The following OPA1 variants were observed in gnomAD, a reference collection of about 807,000 sequenced individuals.
OPA1 encodes the protein OPA1 mitochondrial dynamin like GTPase.
In OPA1, 59 loss-of-function variants were observed where a neutral mutation model predicts 152.9. The observed-to-expected ratio is 0.39, with a 90% confidence interval of 0.31 to 0.48. The LOEUF (loss-of-function observed/expected upper bound fraction) is 0.48, where lower values mean the gene tolerates loss of function less well. Ranked by LOEUF, OPA1 falls within the 20% of genes least tolerant of loss-of-function variation. OPA1 has a pLI of 0.96. For missense variants in OPA1, 1,008 were observed against 1,216.8 expected, an observed-to-expected ratio of 0.83 and a Z score of 2.55; for synonymous variants, 400 against 389.9, an observed-to-expected ratio of 1.03 and a Z score of -0.31.
intron 18 of OPA1, 23 bp from the exon 19 acceptor site, chr3:193,647,042 C>T (rs372119395): frequency 2.0e-6 from 3 of 1,477,878 alleles, no homozygotes; most frequent in Non-Finnish European, 2.8e-6. Context: ...TATACTTTAG[C>T]TCTTGTTATT....
intron 11 of OPA1, among the ~76,000 whole-genome samples, chr3:193,641,236 C>T (rs1560369429): frequency 6.6e-6 from 1 of 152,100 alleles, no homozygotes; most frequent in African/African-American, 2.4e-5. Context: ...GGACAGGTTT[C>T]CTTGAAACAG....
chr3:193,644,839 C>T (rs1734306887), intron 16 of OPA1, among the ~76,000 whole-genome samples: 1 of 152,008 alleles, frequency 6.6e-6, no homozygotes, highest in African/African-American at 2.4e-5. Context: ...TATTTCAGTC[C>T]TTTTTGTATA....
At chr3:193,601,439 C>T (rs1393289302) in intron 1 of OPA1, among the ~76,000 whole-genome samples, 3 of 152,194 alleles carry the variant, frequency 2.0e-5, no homozygotes, top group Non-Finnish European at 2.9e-5. Context: ...GCAGATTCTC[C>T]ACAGACCCAA....
At position 193,696,409 on chromosome 3, in the gene OPA1, A is replaced by G. The variant is rs1722252299; in HGVS notation, c.*1809A>G. Reference sequence around the variant, plus strand: ...ATTTCTTTGAGGAGATCAGTATTGTAACGTATGTGAATAGATGATAACAAT... The same window carrying G: ...ATTTCTTTGAGGAGATCAGTATTGTGACGTATGTGAATAGATGATAACAAT... On this transcript the variant is annotated 3_prime_UTR_variant, in exon 31 of 31. Coordinates refer to ENST00000361510, the MANE Select transcript of OPA1 (RefSeq NM_130837.3). The G allele has an allele frequency of 6.6e-6, 1 of 152,240 alleles. No individual in the cohort carries two copies. Among genetic ancestry groups the G allele is most frequent in the Admixed American group, 6.5e-5 (1 of 15,284 alleles). The allele number at this position is 152,240 out of a possible 1,614,324, so 9.4% of individuals were successfully genotyped here. A position where few individuals can be genotyped will look rare whatever the true frequency, so the allele number is the denominator to read the frequency against.
chr3:193,647,949 G>A, intron 19 of OPA1, 121 bp from the exon 20 acceptor site: 1 of 729,266 alleles, frequency 1.4e-6, no homozygotes, highest in Non-Finnish European at 2.5e-6. Context: ...AGAGTACTAA[G>A]GGGTCATAGG....
chr3:193,666,508 C>A, intron 28 of OPA1, 119 bp downstream of exon 28: 1 of 880,642 alleles, frequency 1.1e-6, no homozygotes, highest in Non-Finnish European at 1.8e-6. Flanking sequence ...GAAAAACTGG[C>A]CAGGTGTGGT....
At chr3:193,649,338 G>A (rs1433171572) in intron 21 of OPA1, among the ~76,000 whole-genome samples, 1 of 152,020 alleles carries the variant, frequency 6.6e-6, no homozygotes, top group East Asian at 1.9e-4. Context: ...TTTAAAAATA[G>A]CAAGTAAATG....
intron 9 of OPA1, among the ~76,000 whole-genome samples, chr3:193,635,747 G>A (rs1199410237): frequency 6.6e-6 from 1 of 152,064 alleles, no homozygotes; most frequent in Non-Finnish European, 1.5e-5. Context: ...ACTTTTAAGA[G>A]TTATTTCGTG....
intron 29 of OPA1, among the ~76,000 whole-genome samples, chr3:193,678,111 C>T (rs1055918783): frequency 1.3e-5 from 2 of 152,186 alleles, no homozygotes; most frequent in African/African-American, 4.8e-5. Context: ...ACAGCTCATT[C>T]ATCTATTCTC....
intron 1 of OPA1, among the ~76,000 whole-genome samples, chr3:193,598,645 A>G (rs543215411): frequency 3.9e-5 from 6 of 152,342 alleles, no homozygotes; most frequent in African/African-American, 1.2e-4. Flanking sequence ...GATGAACCGC[A>G]TAATCTAAGG....
At chr3:193,670,539 T>C (rs1162544982) in intron 29 of OPA1, among the ~76,000 whole-genome samples, 1 of 152,064 alleles carries the variant, frequency 6.6e-6, no homozygotes, top group Non-Finnish European at 1.5e-5. Context: ...GCTTATTTTT[T>C]GTATTTTTAG....
intron 6 of OPA1, among the ~76,000 whole-genome samples, chr3:193,619,403 A>G (rs565977928): frequency 6.6e-6 from 1 of 152,358 alleles, no homozygotes; most frequent in Admixed American, 6.5e-5. Context: ...TGGGGAAACT[A>G]GAAAGGGAAT....
At chr3:193,655,313 TTGAG>T (rs1268337545) in intron 22 of OPA1, among the ~76,000 whole-genome samples, 1 of 151,024 alleles carries the variant, frequency 6.6e-6, no homozygotes, top group Non-Finnish European at 1.5e-5. Flanking sequence ...AAATATTTGC[TTGAG>T]TATTTGCTTG....
At position 193,615,052 on chromosome 3, in the gene OPA1, C is replaced by T; in HGVS notation, c.351+11C>T. On this transcript the variant is annotated intron_variant, in intron 2 of 30. Transcript: ENST00000361510. ...TACACAGCCAAAAAGGTGAACTTGACATTCCTCCTGGTTTTCCAATTATTA... is the reference window on the plus strand; with the variant it reads ...TACACAGCCAAAAAGGTGAACTTGATATTCCTCCTGGTTTTCCAATTATTA... 1 of 1,599,976 alleles carries T rather than the reference C, an allele frequency of 6.3e-7. No homozygotes were observed.
At chr3:193,629,792 T>C (rs1426388183) in intron 7 of OPA1, among the ~76,000 whole-genome samples, 2 of 152,212 alleles carry the variant, frequency 1.3e-5, no homozygotes, top group East Asian at 3.8e-4. Context: ...CTAAACATCC[T>C]AACTTTTTTG....
intron 5 of OPA1, among the ~76,000 whole-genome samples, chr3:193,618,329 T>A (rs1204101727): frequency 6.6e-6 from 1 of 151,462 alleles, no homozygotes; most frequent in African/African-American, 2.4e-5. Flanking sequence ...ATACAAAAAA[T>A]TTGCCGGGCG....
At chr3:193,648,289 T>C in intron 20 of OPA1, 155 bp downstream of exon 20, 1 of 596,330 alleles carries the variant, frequency 1.7e-6, no homozygotes, top group South Asian at 2.1e-5. Context: ...AGCAGTTATC[T>C]CTTTCAGTAA....
At chr3:193,628,691 G>T (rs907854652) in intron 7 of OPA1, 5 of 152,080 alleles carry the variant, frequency 3.3e-5, no homozygotes, top group African/African-American at 1.2e-4. Flanking sequence ...TGTTGTAAGT[G>T]GCTGAATTTT....
In OPA1 at chr3:193,618,877, G is replaced by A. The variant is rs569675223; in HGVS notation, c.619G>A (p.Glu207Lys). The change falls in exon 6 of 31, where the codon GAA (glutamate) becomes AAA (lysine). Residue 207 changes from glutamate to lysine, a missense_variant. Physicochemically the swap from Glu to Lys is moderately conservative, Grantham distance 56. Around this residue, in one of 7 missense-constraint regions of OPA1, gnomAD observed 408 missense variants for 395.1 expected, o/e 1.03. Transcript: ENST00000361510. ...GCATATTTATCTTTAAGGTTCTCCG[G>A]AAGAAACGGCGTTTAGAGCAACAGA... is the stretch of plus-strand genomic sequence containing the variant. ...SDLLLLLGSP[E>K]ETAFRATDRG... 51 of 1,613,562 alleles carry A rather than the reference G, an allele frequency of 3.2e-5. No individual in the cohort carries two copies. The East Asian group carries it at 4.7e-4, about 15-fold the overall frequency.
Sources: gnomAD v4.1 joint callset for allele counts (sites outside exome capture counted in the v4.1 genomes callset) on GRCh38, gnomAD v4.1.1 for gene constraint, gnomAD v4.1.1 regional missense constraint, MANE v1.5 for transcripts, NCBI Gene and HGNC (gene_info 2026-07-23, HGNC 2026-07-21) for gene names.